Variants in PIK3C2G observed in about 807,000 individuals in gnomAD.
The protein encoded by PIK3C2G is phosphatidylinositol-4-phosphate 3-kinase catalytic subunit type 2 gamma.
In PIK3C2G, 168 loss-of-function variants were observed where a neutral mutation model predicts 181.1. The ratio of observed to expected loss-of-function variants is 0.93; its 90% CI spans 0.82 to 1.05. PIK3C2G has a LOEUF of 1.05. Among genes scored for constraint, PIK3C2G ranks in the 50% least tolerant of loss-of-function variants. The probability of loss-of-function intolerance (pLI) is 0.00; values close to 1 mark genes in which losing one functional copy is unlikely to be tolerated. For synonymous variants in PIK3C2G, 573 were observed against 592.2 expected (o/e 0.97, Z 0.47); for missense variants, 1,869 against 1,732.8 (o/e 1.08, Z -1.40).
chr12:18,339,301 AAT>A (rs758912688), intron 9 of PIK3C2G, among the ~76,000 whole-genome samples: 2 of 152,188 alleles, frequency 1.3e-5, no homozygotes, highest in Non-Finnish European at 2.9e-5. Flanking sequence ...TAATGTATAA[AAT>A]AGTTTGACAT....
intron 19 of PIK3C2G, among the ~76,000 whole-genome samples, chr12:18,489,473 T>A (rs1198235905): frequency 6.6e-6 from 1 of 152,084 alleles, no homozygotes; most frequent in Non-Finnish European, 1.5e-5. Flanking sequence ...GAATTCTTTC[T>A]CAGCCCAGGA....
rs550917712 is a variant in PIK3C2G at position 18,311,815 on chromosome 12, G to T, written c.1035-2147G>T. Among the ~76,000 whole-genome samples, 7 of 152,008 alleles carry T rather than the reference G, an allele frequency of 4.6e-5. No individual in the cohort carries two copies. In the East Asian group the frequency reaches 1.4e-3, roughly 29 times the overall value. Reference sequence around the variant, plus strand: ...GAGTATTGACTTACACTGTCACAAGGTGAGATCTCACAATAGGCCATCTGC... The same window carrying T: ...GAGTATTGACTTACACTGTCACAAGTTGAGATCTCACAATAGGCCATCTGC... On this transcript the variant is annotated intron_variant, in intron 5 of 32. Transcript: ENST00000538779.
Position 18,563,470 on chromosome 12 carries a change from A to G in PIK3C2G, c.3874A>G (p.Lys1292Glu). Reference sequence around the variant, plus strand: ...TTCAAAACTTCACAGCCAACTTCAGAAGCAGTTTGCATCACTGACTCTCCC... The same window carrying G: ...TTCAAAACTTCACAGCCAACTTCAGGAGCAGTTTGCATCACTGACTCTCCC... ...QFSKLHSQLQKQFASLTLPEF... is the reference protein window; with the variant it reads ...QFSKLHSQLQEQFASLTLPEF... The change falls in exon 28 of 33, where the codon AAG becomes GAG. Residue 1292 changes from lysine to glutamate, a missense_variant. Lys to Glu is a moderately conservative substitution (Grantham distance 56). Coordinates refer to ENST00000538779, the MANE Select transcript of PIK3C2G (RefSeq NM_001288772.2). 4.3e-6 allele frequency: 7 copies of G among 1,613,858 alleles called. No homozygotes were observed. The highest frequency in any genetic ancestry group is 5.9e-6 in the Non-Finnish European group (7 of 1,179,796).
chr12:18,693,868 C>T, the PIK3C2G span: 13 of 1,533,430 alleles, frequency 8.5e-6, no homozygotes, highest in Non-Finnish European at 1.2e-5. Flanking sequence ...AGAAGCCCAT[C>T]TTTCAGATTC....
At chr12:18,577,760 A>G (rs1946307596) in intron 29 of PIK3C2G, among the ~76,000 whole-genome samples, 1 of 152,130 alleles carries the variant, frequency 6.6e-6, no homozygotes, top group South Asian at 2.1e-4. Flanking sequence ...TGCATAATGA[A>G]TATTTAGGGT....
At chr12:18,628,347 C>T (rs1303973105) in intron 31 of PIK3C2G, among the ~76,000 whole-genome samples, 1 of 152,090 alleles carries the variant, frequency 6.6e-6, no homozygotes, top group African/African-American at 2.4e-5. Flanking sequence ...ACTTTATAAA[C>T]AGTTTAAAAT....
intron 10 of PIK3C2G, among the ~76,000 whole-genome samples, chr12:18,343,629 C>T (rs1482193266): frequency 6.6e-6 from 1 of 151,842 alleles, no homozygotes; most frequent in East Asian, 1.9e-4. Flanking sequence ...ATAAAAAGAT[C>T]TATAAAAATT....
intron 16 of PIK3C2G, among the ~76,000 whole-genome samples, chr12:18,416,327 T>C (rs1945176348): frequency 6.6e-6 from 1 of 152,134 alleles, no homozygotes; most frequent in African/African-American, 2.4e-5. Flanking sequence ...AACCAGAAAG[T>C]GCTGATGTAG....
intron 26 of PIK3C2G, among the ~76,000 whole-genome samples, chr12:18,558,525 T>C (rs79906561): frequency 0.045 from 6,842 of 152,302 alleles, 348 homozygotes; most frequent in African/African-American, 0.13. Flanking sequence ...TCAAAGTTCT[T>C]ATGCAATTGT....
the PIK3C2G span, chr12:18,693,139 C>A: frequency 6.6e-7 from 1 of 1,511,074 alleles, no homozygotes; most frequent in South Asian, 1.1e-5. Flanking sequence ...GACAATCATG[C>A]CATCGTGTCT....
chr12:18,322,282 TGAGGCAG>T, intron 7 of PIK3C2G, among the ~76,000 whole-genome samples: 2 of 151,658 alleles, frequency 1.3e-5, no homozygotes, highest in Middle Eastern at 6.8e-3. Flanking sequence ...CTTGGGAGGC[TGAGGCAG>T]GAGAATCACT....
intron 11 of PIK3C2G, 123 bp downstream of exon 11, chr12:18,346,959 T>C (rs1939727101): frequency 1.9e-6 from 1 of 516,056 alleles, no homozygotes; most frequent in South Asian, 4.0e-5. Context: ...TTAATCAGCA[T>C]AGTTTTATCC....
At chr12:18,311,246 G>A (rs770957874) in intron 5 of PIK3C2G, among the ~76,000 whole-genome samples, 5 of 151,768 alleles carry the variant, frequency 3.3e-5, no homozygotes, top group Non-Finnish European at 7.4e-5. Flanking sequence ...TGAAGCAAAG[G>A]TAAGGAAAGA....
At chr12:18,705,239 A>T in the PIK3C2G span, 2 of 1,613,972 alleles carry the variant, frequency 1.2e-6, no homozygotes, top group Non-Finnish European at 1.7e-6. Context: ...AGTAGCCTGC[A>T]AATTGTCTGC....
chr12:18,697,866 G>C, the PIK3C2G span, among the ~76,000 whole-genome samples: 1 of 141,418 alleles, frequency 7.1e-6, no homozygotes, highest in Admixed American at 7.2e-5. Context: ...AACCTTTGCA[G>C]ACATCATTGA....
chr12:18,292,736 T>C (rs1949766960), intron 4 of PIK3C2G, among the ~76,000 whole-genome samples: 1 of 151,942 alleles, frequency 6.6e-6, no homozygotes, highest in Non-Finnish European at 1.5e-5. Flanking sequence ...AGAGAGAGAG[T>C]AGATATTCAT....
chr12:18,366,340 C>T (rs1474762307), intron 12 of PIK3C2G, among the ~76,000 whole-genome samples: 2 of 152,122 alleles, frequency 1.3e-5, no homozygotes, highest in Non-Finnish European at 2.9e-5. Flanking sequence ...CAAGACCAGC[C>T]TGGCCAACAT....
chr12:18,565,926 T>C (rs1231370296), intron 28 of PIK3C2G, among the ~76,000 whole-genome samples: 1 of 152,196 alleles, frequency 6.6e-6, no homozygotes, highest in African/African-American at 2.4e-5. Context: ...TATGGATATG[T>C]AGAATATAGA....
At chr12:18,599,881 C>T (rs1947614230) in intron 30 of PIK3C2G, among the ~76,000 whole-genome samples, 1 of 151,688 alleles carries the variant, frequency 6.6e-6, no homozygotes, top group Admixed American at 6.6e-5. Flanking sequence ...GAGTACAGTT[C>T]TCAATAAAGA....
Sources: allele counts gnomAD v4.1 joint callset (sites outside exome capture counted in the v4.1 genomes callset), GRCh38; gene constraint gnomAD v4.1.1; transcripts MANE v1.5; gene names NCBI Gene and HGNC (gene_info 2026-07-23, HGNC 2026-07-21).